NCOA7: variants seen among roughly 807,000 people sequenced by gnomAD.
NCOA7 encodes nuclear receptor coactivator 7, also known as 140 kDa estrogen receptor-associated protein.
Under a neutral mutation model 104.3 loss-of-function variants are expected in NCOA7, and 45 were observed. The observed-to-expected ratio is 0.43, with a 90% CI of 0.34 to 0.55. The LOEUF (loss-of-function observed/expected upper bound fraction) is 0.55. NCOA7 is among the 20% of genes least tolerant of loss of function. The pLI is 0.02. For synonymous variants in NCOA7, 398 were observed against 402.3 expected, an observed-to-expected ratio of 0.99 and a Z score of 0.13; for missense variants, 1,041 against 1,119.7, an observed-to-expected ratio of 0.93 and a Z score of 1.00.
At chr6:125,833,451 C>T in intron 2 of NCOA7, among the ~76,000 whole-genome samples, 1 of 151,888 alleles carries the variant, frequency 6.6e-6, no homozygotes, top group East Asian at 1.9e-4. Context: ...CGAGGTGTGA[C>T]AGGCTCCTGT....
Position 125,894,790 on chromosome 6 carries a change from G to A in NCOA7, c.2096+3980G>A, listed in dbSNP as rs549477788. ...GTACTTTTTTTTTTTTTTCCTAAAT[G>A]GGAAATGGGTTAAAATATTTAAAAA... On this transcript the variant is annotated intron_variant, in intron 10 of 15. Coordinates refer to ENST00000392477, the MANE Select transcript of NCOA7 (RefSeq NM_181782.5). Among the ~76,000 whole-genome samples, 4 of 150,816 alleles carry A rather than the reference G, an allele frequency of 2.7e-5. No homozygotes were observed. The East Asian group carries it at 7.8e-4, about 29-fold the overall frequency.
intron 3 of NCOA7, among the ~76,000 whole-genome samples, chr6:125,863,709 G>A (rs1782228605): frequency 7.2e-6 from 1 of 137,968 alleles, no homozygotes; most frequent in Non-Finnish European, 1.5e-5. Flanking sequence ...CACAGTTCTG[G>A]AGGCTGGAAA....
chr6:125,786,967 C>G (rs1363117677), upstream of NCOA7, among the ~76,000 whole-genome samples: 1 of 151,782 alleles, frequency 6.6e-6, no homozygotes, highest in African/African-American at 2.4e-5. Flanking sequence ...GGCAACATGG[C>G]GAAACTCCAT....
chr6:125,788,111 C>T (rs1351644343), upstream of NCOA7, among the ~76,000 whole-genome samples: 2 of 152,198 alleles, frequency 1.3e-5, no homozygotes, highest in African/African-American at 2.4e-5. Flanking sequence ...CAAATTATTT[C>T]ATGTATTATA....
At chr6:125,818,453 A>G (rs1053378625) in intron 2 of NCOA7, among the ~76,000 whole-genome samples, 2 of 152,212 alleles carry the variant, frequency 1.3e-5, no homozygotes, top group Non-Finnish European at 1.5e-5. Flanking sequence ...TCTTGGGAGC[A>G]TAGGGACAGT....
intron 4 of NCOA7, among the ~76,000 whole-genome samples, chr6:125,875,661 T>C (rs1783308731): frequency 6.6e-6 from 1 of 152,204 alleles, no homozygotes; most frequent in African/African-American, 2.4e-5. Flanking sequence ...CCATATCCCT[T>C]TTTTAACATT....
intron 2 of NCOA7, among the ~76,000 whole-genome samples, chr6:125,826,380 A>C (rs1018310517): frequency 1.3e-5 from 2 of 152,112 alleles, no homozygotes; most frequent in Non-Finnish European, 2.9e-5. Context: ...ATTTAAAATG[A>C]AAAATTACAA....
chr6:125,918,779 C>T (rs996944257), intron 11 of NCOA7, among the ~76,000 whole-genome samples: 9 of 152,162 alleles, frequency 5.9e-5, no homozygotes, highest in African/African-American at 2.2e-4. Context: ...GTCCCTCCCA[C>T]CAACAAACAT....
chr6:125,803,402 G>C (rs969750531), intron 1 of NCOA7, among the ~76,000 whole-genome samples: 1 of 152,096 alleles, frequency 6.6e-6, no homozygotes, highest in Non-Finnish European at 1.5e-5. Context: ...ATAGTCACAG[G>C]CTTCAGATAA....
intron 1 of NCOA7, among the ~76,000 whole-genome samples, chr6:125,805,480 A>G (rs1246553802): frequency 1.3e-5 from 2 of 152,172 alleles, no homozygotes; most frequent in Non-Finnish European, 2.9e-5. Flanking sequence ...GCCCACCCTT[A>G]CAGGCCATTA....
chr6:125,856,631 C>A (rs1193482947), intron 3 of NCOA7, among the ~76,000 whole-genome samples: 3 of 152,080 alleles, frequency 2.0e-5, no homozygotes, highest in African/African-American at 7.2e-5. Flanking sequence ...GGATTACAGG[C>A]GTGAGCCACC....
rs2273887 is a variant in NCOA7 at position 125,927,799 on chromosome 6, G to C, written c.2619+41G>C. The C allele has an allele frequency of 2.0e-3, 2,972 of 1,477,222 alleles. 88 individuals are homozygous for C. The East Asian group carries it at 0.058, about 29-fold the overall frequency. The allele number at this position is 1,477,222 out of a possible 1,614,324, so 91.5% of individuals were successfully genotyped here. A position where few individuals can be genotyped will look rare whatever the true frequency, so the allele number is the denominator to read the frequency against. ...AAATATCCAACTCCCATATGTCACA[G>C]TGTCCTCAGTTGGGGAAGGGGATAG... On this transcript the variant is annotated intron_variant, in intron 14 of 15. Coordinates refer to ENST00000392477, the MANE Select transcript of NCOA7 (RefSeq NM_181782.5).
At chr6:125,782,724 A>G (rs146315398) in intron 1 of NCOA7, among the ~76,000 whole-genome samples, 1 of 152,244 alleles carries the variant, frequency 6.6e-6, no homozygotes, top group Non-Finnish European at 1.5e-5. Flanking sequence ...CAGAATGCAC[A>G]TAATTCCAGT....
Position 125,928,905 on chromosome 6 carries a change from A to T in NCOA7, c.*134A>T. The T allele has an allele frequency of 1.1e-6, 1 of 938,674 alleles. No individual in the cohort carries two copies. Among genetic ancestry groups the T allele is most frequent in the Non-Finnish European group, 1.5e-6 (1 of 645,588 alleles). 58.1% of individuals were successfully genotyped at this position (938,674 alleles called of 1,614,324 possible). Reference sequence around the variant, plus strand: ...TGCTTCCTTTCTGCCATCATCTCAGAGCATGATCACATTGCAGAAAGATTC... The same window carrying T: ...TGCTTCCTTTCTGCCATCATCTCAGTGCATGATCACATTGCAGAAAGATTC... On this transcript the variant is annotated 3_prime_UTR_variant, in exon 16 of 16. Transcript: ENST00000392477.
intron 2 of NCOA7, among the ~76,000 whole-genome samples, chr6:125,818,572 G>A (rs1350115983): frequency 6.6e-6 from 1 of 152,052 alleles, no homozygotes; most frequent in Non-Finnish European, 1.5e-5. Context: ...GGGGGTAGGA[G>A]CAGGGAGAGA....
chr6:125,893,611 G>C (rs1784782195), intron 10 of NCOA7, among the ~76,000 whole-genome samples: 1 of 152,170 alleles, frequency 6.6e-6, no homozygotes, highest in South Asian at 2.1e-4. Flanking sequence ...GGGGGGGCCA[G>C]AGGGTGGTAG....
chr6:125,889,754 C>G lies in NCOA7; in HGVS notation c.1700C>G (p.Ala567Gly), dbSNP rs569408777. The change falls in exon 9 of 16, where the codon GCG becomes GGG. Residue 567 changes from alanine (A) to glycine (G), a missense_variant. By Grantham distance (60) the Ala-to-Gly change is moderately conservative. Coordinates refer to ENST00000392477, the MANE Select transcript of NCOA7 (RefSeq NM_181782.5). ...DITLSSSLSQ[A>G]GDPITEGNKE... ...ACCCTTAGTAGTTCTCTTTCCCAGG[C>G]GGGTGATCCCATAACTGAGGGCAAT... The G allele has an allele frequency of 6.2e-7, 1 of 1,612,194 alleles. No homozygotes were observed. Among genetic ancestry groups the G allele is most frequent in the Admixed American group, 1.7e-5 (1 of 59,714 alleles).
chr6:125,924,257 A>G (rs1374669096), intron 13 of NCOA7, among the ~76,000 whole-genome samples: 1 of 152,226 alleles, frequency 6.6e-6, no homozygotes, highest in East Asian at 1.9e-4. Context: ...GAGGAATGTG[A>G]TGGTTCACAC....
In NCOA7 at chr6:125,922,711, A is replaced by G. The variant is rs1402646667; in HGVS notation, c.2400A>G (p.Gln800=). The part of the protein sequence containing the change: ...QLARRLPARV[Q]GYPWRLAYST... ...CCCGACGCCTTCCTGCAAGGGTGCA[A>G]GGGTATCCATGGAGACTGGCCTATA... The change falls in exon 13 of 16, where the codon CAA becomes CAG. Residue 800 remains glutamine (Q), a synonymous_variant. Coordinates refer to ENST00000392477, the MANE Select transcript of NCOA7 (RefSeq NM_181782.5). 1 of 1,613,786 alleles carries G rather than the reference A, an allele frequency of 6.2e-7. No homozygotes were observed. Among genetic ancestry groups the G allele is most frequent in the Non-Finnish European group, 8.5e-7 (1 of 1,179,986 alleles).
Sources: allele counts gnomAD v4.1 joint callset (sites outside exome capture counted in the v4.1 genomes callset), GRCh38; gene constraint gnomAD v4.1.1; transcripts MANE v1.5; gene names NCBI Gene and HGNC (gene_info 2026-07-23, HGNC 2026-07-21).